Variants in NDST3 observed in about 807,000 individuals in gnomAD.
NDST3 encodes the protein N-deacetylase and N-sulfotransferase 3, also known as bifunctional heparan sulfate N-deacetylase/N-sulfotransferase 3.
In NDST3, 58 loss-of-function variants were observed where a neutral mutation model predicts 96.1. That is an observed-to-expected ratio of 0.60 (90% confidence interval 0.49 to 0.75). The LOEUF is 0.75. Ranked by LOEUF, NDST3 falls within the 30% of genes least tolerant of loss-of-function variation. The pLI is 0.00. For synonymous variants in NDST3, 333 were observed against 359.7 expected, an observed-to-expected ratio of 0.93 and a Z score of 0.84; for missense variants, 788 against 1,034.2, an observed-to-expected ratio of 0.76 and a Z score of 3.27.
At chr4:118,198,915 G>C (rs946399072) in intron 6 of NDST3, among the ~76,000 whole-genome samples, 2 of 151,978 alleles carry the variant, frequency 1.3e-5, no homozygotes, top group African/African-American at 4.8e-5. Context: ...CCACTGAAAA[G>C]GCTGCCACTA....
intron 6 of NDST3, among the ~76,000 whole-genome samples, chr4:118,150,968 C>A (rs1393861966): frequency 2.0e-5 from 3 of 151,198 alleles, no homozygotes; most frequent in Admixed American, 6.6e-5. Context: ...TTCACAATAG[C>A]AAAGACTTGG....
At chr4:118,230,753 G>C (rs936351346) in intron 8 of NDST3, among the ~76,000 whole-genome samples, 2 of 152,072 alleles carry the variant, frequency 1.3e-5, no homozygotes, top group Non-Finnish European at 2.9e-5. Flanking sequence ...GTATATCATA[G>C]ATTACTGTTT....
chr4:118,049,991 A>T (rs115168105), intron 1 of NDST3, among the ~76,000 whole-genome samples: 1,697 of 152,256 alleles, frequency 0.011, 23 homozygotes, highest in African/African-American at 0.038. Context: ...TCAACCAAAT[A>T]CTAGGAAAAC....
chr4:118,071,737 G>A lies in NDST3; in HGVS notation c.981+16846G>A, dbSNP rs143774346. The stretch of plus-strand genomic sequence containing the variant: ...CTGCCATGAACATGCACATGCATGT[G>A]TCTTTAAGGTAGAACAATTTATATT... On this transcript the variant is annotated intron_variant, in intron 2 of 13. Transcript: ENST00000296499. 6.5e-3 allele frequency among the ~76,000 whole-genome samples: 982 copies of A among 152,196 alleles called. 8 individuals are homozygous for A. The highest frequency in any genetic ancestry group is 9.9e-3 in the Non-Finnish European group (674 of 68,002).
At chr4:118,187,993 A>G (rs2125961098) in intron 6 of NDST3, among the ~76,000 whole-genome samples, 1 of 152,268 alleles carries the variant, frequency 6.6e-6, no homozygotes, top group Non-Finnish European at 1.5e-5. Context: ...CAGTCAGTGG[A>G]CCATAAAAAG....
intron 6 of NDST3, among the ~76,000 whole-genome samples, chr4:118,176,492 G>C (rs962706943): frequency 4.0e-5 from 6 of 151,868 alleles, no homozygotes; most frequent in African/African-American, 1.5e-4. Context: ...TCTCAACCTG[G>C]GAGAATTAAG....
intron 2 of NDST3, among the ~76,000 whole-genome samples, chr4:118,086,354 T>A (rs1195651837): frequency 6.6e-6 from 1 of 152,220 alleles, no homozygotes; most frequent in Non-Finnish European, 1.5e-5. Flanking sequence ...TTGTCTTTCA[T>A]TTATTGATCT....
At chr4:118,155,246 T>A (rs1355426606) in intron 6 of NDST3, among the ~76,000 whole-genome samples, 1 of 152,242 alleles carries the variant, frequency 6.6e-6, no homozygotes, top group Non-Finnish European at 1.5e-5. Flanking sequence ...TTTCATTTAA[T>A]ATCATTTAGT....
chr4:118,228,034 C>T (rs552947335), intron 8 of NDST3, among the ~76,000 whole-genome samples: 1 of 152,290 alleles, frequency 6.6e-6, no homozygotes, highest in East Asian at 1.9e-4. Context: ...ACTGGCTTCA[C>T]AGAAAACAGC....
intron 2 of NDST3, among the ~76,000 whole-genome samples, chr4:118,104,217 T>C (rs923605109): frequency 6.6e-6 from 1 of 152,184 alleles, no homozygotes; most frequent in African/African-American, 2.4e-5. Context: ...CTATGAAAGA[T>C]CATTTACAAA....
intron 6 of NDST3, chr4:118,193,882 T>C: frequency 9.6e-7 from 1 of 1,043,180 alleles, no homozygotes; most frequent in Non-Finnish European, 1.5e-6. Context: ...ACTCATATTC[T>C]ACCCAGGACA....
chr4:118,171,724 A>G (rs1220732235), intron 6 of NDST3, among the ~76,000 whole-genome samples: 3 of 152,184 alleles, frequency 2.0e-5, no homozygotes, highest in Non-Finnish European at 2.9e-5. Context: ...AAGGTCATAC[A>G]ATACCGCTTT....
chr4:118,197,781 T>C lies in NDST3; in HGVS notation c.1540-26710T>C, dbSNP rs372865150. ...TTTTTGGTGTGTTTTGTTTTGTTTT[T>C]TGTTTATTTTTTGGCTTTTGGCTTT... On this transcript the variant is annotated intron_variant, in intron 6 of 13. Coordinates refer to ENST00000296499, the MANE Select transcript of NDST3 (RefSeq NM_004784.3). Among the ~76,000 whole-genome samples the C allele has an allele frequency of 6.6e-5, 10 of 151,358 alleles. No homozygotes were observed. The South Asian group carries it at 2.1e-3, about 32-fold the overall frequency.
chr4:118,089,569 G>A (rs943095378), intron 2 of NDST3, among the ~76,000 whole-genome samples: 1 of 151,870 alleles, frequency 6.6e-6, no homozygotes, highest in Non-Finnish European at 1.5e-5. Context: ...GAAATACTGA[G>A]ATTGGTCTGA....
At chr4:118,083,918 T>C (rs987557742) in intron 2 of NDST3, among the ~76,000 whole-genome samples, 1 of 152,184 alleles carries the variant, frequency 6.6e-6, no homozygotes. Flanking sequence ...CTTTTGGGAC[T>C]AACTATGCCT....
At chr4:118,194,791 C>A (rs557413197) in intron 6 of NDST3, 55 of 405,866 alleles carry the variant, frequency 1.4e-4, no homozygotes, top group African/African-American at 1.1e-3. Flanking sequence ...GGCACCGGCA[C>A]CAGCATACTC....
chr4:118,054,576 T>A lies in NDST3; in HGVS notation c.666T>A (p.Val222=). ...CTTTACCTGGAACTGACTGGACAGT[T>A]TTTCAGATTAATCATTCAGCCTATC... ...KGSLPGTDWT[V]FQINHSAYQP... The change falls in exon 2 of 14, where the codon GTT becomes GTA. Residue 222 remains valine (V), a synonymous_variant. Transcript: ENST00000296499. 7.4e-6 allele frequency: 12 copies of A among 1,613,314 alleles called. No individual in the cohort carries two copies. Among genetic ancestry groups the A allele is most frequent in the Non-Finnish European group, 1.0e-5 (12 of 1,179,500 alleles).
chr4:118,202,435 T>C (rs1448634768), intron 6 of NDST3, among the ~76,000 whole-genome samples: 1 of 152,222 alleles, frequency 6.6e-6, no homozygotes, highest in Non-Finnish European at 1.5e-5. Flanking sequence ...ACGAAACTGA[T>C]TCTTCCAATT....
In NDST3 at chr4:118,180,386, G is replaced by A. The variant is rs531979363; in HGVS notation, c.1539+36702G>A. 9.9e-5 allele frequency among the ~76,000 whole-genome samples: 15 copies of A among 152,170 alleles called. No homozygotes were observed. In the South Asian group the frequency reaches 1.0e-3, roughly 11 times the overall value. ...GTTTTTTGTTCCTGCATTAATTCAC[G>A]TAGGATAATAGCCTCCAGCTGCATC... On this transcript the variant is annotated intron_variant, in intron 6 of 13. Transcript: ENST00000296499.
Sources: allele counts gnomAD v4.1 joint callset (sites outside exome capture counted in the v4.1 genomes callset), GRCh38; gene constraint gnomAD v4.1.1; transcripts MANE v1.5; gene names NCBI Gene and HGNC (gene_info 2026-07-23, HGNC 2026-07-21).